The following DNAH11 variants were observed in gnomAD, a reference collection of about 807,000 sequenced individuals.
DNAH11 encodes the protein dynein axonemal heavy chain 11, also known as axonemal beta dynein heavy chain 11.
Under a neutral mutation model 526.0 loss-of-function variants are expected in DNAH11, and 442 were observed. That is an observed-to-expected ratio of 0.84 (90% CI 0.78 to 0.91). The LOEUF is 0.91. Among genes scored for constraint, DNAH11 ranks in the 40% least tolerant of loss-of-function variants. The probability of loss-of-function intolerance (pLI) is 0.00; values close to 1 mark genes in which losing one functional copy is unlikely to be tolerated. For synonymous variants in DNAH11, 2,461 were observed against 1,935.9 expected, an observed-to-expected ratio of 1.27 and a Z score of -7.12; for missense variants, 6,989 against 5,448.7, an observed-to-expected ratio of 1.28 and a Z score of -8.90.
chr7:21,596,992 A>C (rs1302484594), intron 14 of DNAH11, among the ~76,000 whole-genome samples: 1 of 152,210 alleles, frequency 6.6e-6, no homozygotes, highest in Non-Finnish European at 1.5e-5. Flanking sequence ...GTTTGGGGAA[A>C]AGCTGTAGAA....
intron 65 of DNAH11, among the ~76,000 whole-genome samples, chr7:21,825,963 A>C (rs1427775327): frequency 6.6e-6 from 1 of 151,682 alleles, no homozygotes; most frequent in Non-Finnish European, 1.5e-5. Context: ...TGTCTCCAAA[A>C]AAAAAAAAAA....
At chr7:21,730,066 T>C (rs1263247554) in intron 45 of DNAH11, among the ~76,000 whole-genome samples, 1 of 152,206 alleles carries the variant, frequency 6.6e-6, no homozygotes. Context: ...TGGAAAACAG[T>C]ATGGAGGTTC....
chr7:21,600,456 A>G (rs1323445001), intron 15 of DNAH11, among the ~76,000 whole-genome samples: 1 of 150,470 alleles, frequency 6.6e-6, no homozygotes, highest in African/African-American at 2.5e-5. Flanking sequence ...CTGTCTCAAA[A>G]AAACAAAAAC....
intron 55 of DNAH11, among the ~76,000 whole-genome samples, chr7:21,769,164 G>C (rs1293579011): frequency 6.6e-6 from 1 of 152,150 alleles, no homozygotes; most frequent in East Asian, 1.9e-4. Context: ...CATTTATCTT[G>C]ATTCTGCTTA....
intron 28 of DNAH11, among the ~76,000 whole-genome samples, chr7:21,651,467 A>C (rs1452161307): frequency 6.6e-6 from 1 of 152,044 alleles, no homozygotes; most frequent in East Asian, 1.9e-4. Flanking sequence ...AGGTTTAAGC[A>C]ATTCTCTGCC....
At chr7:21,867,058 G>A (rs917930583) in intron 71 of DNAH11, among the ~76,000 whole-genome samples, 7 of 152,192 alleles carry the variant, frequency 4.6e-5, no homozygotes, top group Non-Finnish European at 1.0e-4. Context: ...AAACAAAAAT[G>A]CATTCCTTTC....
intron 57 of DNAH11, among the ~76,000 whole-genome samples, chr7:21,780,809 A>G (rs1043825380): frequency 2.0e-5 from 3 of 152,200 alleles, no homozygotes; most frequent in Non-Finnish European, 4.4e-5. Flanking sequence ...AAATATTAAC[A>G]TCTATTTTGT....
chr7:21,555,841 T>G (rs1783198352), intron 2 of DNAH11, among the ~76,000 whole-genome samples: 1 of 152,136 alleles, frequency 6.6e-6, no homozygotes, highest in African/African-American at 2.4e-5. Flanking sequence ...TGCTCTCGAC[T>G]GGAGTCCTTC....
intron 5 of DNAH11, among the ~76,000 whole-genome samples, chr7:21,562,722 G>T (rs567789412): frequency 1.3e-5 from 2 of 151,398 alleles, no homozygotes; most frequent in African/African-American, 4.9e-5. Context: ...TACTAGATAC[G>T]ATTATATAAT....
Position 21,854,833 on chromosome 7 carries a change from G to A in DNAH11, c.11202+378G>A, listed in dbSNP as rs150475141. On this transcript the variant is annotated intron_variant, in intron 68 of 81. Coordinates refer to ENST00000409508, the MANE Select transcript of DNAH11 (RefSeq NM_001277115.2). ...GCTGAGAGTACAGGCGTGAACCACCGCGCACAGCCAGAATGTATTTTTAAG... is the reference window on the plus strand; with the variant it reads ...GCTGAGAGTACAGGCGTGAACCACCACGCACAGCCAGAATGTATTTTTAAG... Among the ~76,000 whole-genome samples the A allele has an allele frequency of 8.7e-3, 1,327 of 152,158 alleles. 7 individuals are homozygous for A. The highest frequency in any genetic ancestry group is 0.013 in the Non-Finnish European group (886 of 68,010).
At chr7:21,626,167 C>T (rs956012541) in intron 25 of DNAH11, among the ~76,000 whole-genome samples, 22 of 152,214 alleles carry the variant, frequency 1.4e-4, no homozygotes, top group African/African-American at 5.3e-4. Context: ...TCTTATGAGA[C>T]CCGCTTTTTA....
intron 35 of DNAH11, among the ~76,000 whole-genome samples, chr7:21,696,125 A>G (rs1368100481): frequency 2.0e-5 from 3 of 152,122 alleles, no homozygotes; most frequent in Non-Finnish European, 4.4e-5. Flanking sequence ...GCTCAATACT[A>G]TTCAGTATGC....
intron 79 of DNAH11, among the ~76,000 whole-genome samples, chr7:21,898,457 C>T (rs954655905): frequency 1.3e-5 from 2 of 152,142 alleles, no homozygotes; most frequent in South Asian, 2.1e-4. Context: ...TCCTCATTCA[C>T]CCCCACTTCC....
chr7:21,621,062 T>C (rs1786030032), intron 25 of DNAH11, among the ~76,000 whole-genome samples: 1 of 152,038 alleles, frequency 6.6e-6, no homozygotes, highest in South Asian at 2.1e-4. Flanking sequence ...TGATTTATAA[T>C]CCTTTGGGTG....
At chr7:21,623,953 C>T (rs1786205374) in intron 25 of DNAH11, among the ~76,000 whole-genome samples, 1 of 150,394 alleles carries the variant, frequency 6.6e-6, no homozygotes, top group Non-Finnish European at 1.5e-5. Flanking sequence ...TACCCTAAAA[C>T]TTAAAGTATA....
intron 55 of DNAH11, among the ~76,000 whole-genome samples, chr7:21,768,782 T>A (rs1051393563): frequency 2.0e-5 from 3 of 152,226 alleles, no homozygotes; most frequent in Admixed American, 1.3e-4. Flanking sequence ...TTTAAAGACT[T>A]GTTTCCCCAA....
In DNAH11 at chr7:21,739,685, A is replaced by C. The variant is rs1228983588; in HGVS notation, c.7914+12A>C. On this transcript the variant is annotated intron_variant, in intron 48 of 81. Coordinates refer to ENST00000409508, the MANE Select transcript of DNAH11 (RefSeq NM_001277115.2). ...ATCCCAGGCTACAGGTAGGGTGTTG[A>C]ATACTGCTCTCAAAAACTGTAGGTC... 1 of 1,593,784 alleles carries C rather than the reference A, an allele frequency of 6.3e-7. No individual in the cohort carries two copies. Among genetic ancestry groups the C allele is most frequent in the African/African-American group, 1.3e-5 (1 of 74,586 alleles).
chr7:21,702,922 T>A, intron 37 of DNAH11, 120 bp downstream of exon 37: 5 of 852,236 alleles, frequency 5.9e-6, no homozygotes, highest in Non-Finnish European at 7.2e-6. Flanking sequence ...TAACATCTGT[T>A]GTTAATGCAG....
chr7:21,784,310 T>C, intron 57 of DNAH11, 117 bp from the exon 58 acceptor site: 3 of 800,854 alleles, frequency 3.7e-6, no homozygotes, highest in Non-Finnish European at 6.3e-6. Context: ...TCCTCACCTG[T>C]TCAAAGTACA....
Sources: gnomAD v4.1 joint callset for allele counts (sites outside exome capture counted in the v4.1 genomes callset) on GRCh38, gnomAD v4.1.1 for gene constraint, MANE v1.5 for transcripts, NCBI Gene and HGNC (gene_info 2026-07-23, HGNC 2026-07-21) for gene names.